Variants in KCNQ5 observed in about 807,000 individuals in gnomAD.
KCNQ5 encodes the protein potassium voltage-gated channel subfamily KQT member 5.
In KCNQ5, 30 loss-of-function variants were observed where a neutral mutation model predicts 98.2. The observed-to-expected ratio is 0.31, with a 90% confidence interval of 0.23 to 0.41. KCNQ5 has a LOEUF of 0.41. Among genes scored for constraint, KCNQ5 ranks in the 10% least tolerant of loss-of-function variants. The pLI is 1.00. For missense variants in KCNQ5, 835 were observed against 1,182.5 expected (o/e 0.71, Z 4.31); for synonymous variants, 458 against 449.4 (o/e 1.02, Z -0.24).
At chr6:73,166,170 C>T (rs543070763) in intron 10 of KCNQ5, among the ~76,000 whole-genome samples, 12 of 152,146 alleles carry the variant, frequency 7.9e-5, no homozygotes, top group African/African-American at 1.7e-4. Context: ...TGGTGGCTCA[C>T]GCCTGTAATC....
At chr6:72,880,524 C>T (rs1406139715) in intron 1 of KCNQ5, among the ~76,000 whole-genome samples, 1 of 152,176 alleles carries the variant, frequency 6.6e-6, no homozygotes, top group African/African-American at 2.4e-5. Context: ...ATTATTCAGA[C>T]CATAGCACTT....
At chr6:72,824,288 C>A (rs2796009) in intron 1 of KCNQ5, among the ~76,000 whole-genome samples, 7 of 152,006 alleles carry the variant, frequency 4.6e-5, no homozygotes, top group African/African-American at 1.7e-4. Context: ...TAAATTCCAG[C>A]GGTGGTGGGG....
intron 1 of KCNQ5, among the ~76,000 whole-genome samples, chr6:72,853,021 T>A (rs2150144415): frequency 6.6e-6 from 1 of 152,206 alleles, no homozygotes; most frequent in South Asian, 2.1e-4. Context: ...TGCTGTGCAT[T>A]AGCATTTATT....
chr6:72,834,817 T>C (rs1288619196), intron 1 of KCNQ5, among the ~76,000 whole-genome samples: 1 of 152,160 alleles, frequency 6.6e-6, no homozygotes, highest in Non-Finnish European at 1.5e-5. Context: ...TTTTGTTGTA[T>C]GGCTCTCAGA....
intron 9 of KCNQ5, among the ~76,000 whole-genome samples, chr6:73,132,696 C>T (rs1326246649): frequency 1.3e-5 from 2 of 152,228 alleles, no homozygotes; most frequent in Non-Finnish European, 1.5e-5. Flanking sequence ...TTACCAGTAG[C>T]TGCCACAGCA....
intron 1 of KCNQ5, among the ~76,000 whole-genome samples, chr6:72,680,348 T>C (rs1281515252): frequency 6.6e-6 from 1 of 152,234 alleles, no homozygotes; most frequent in Non-Finnish European, 1.5e-5. Context: ...TGGTGTAGCA[T>C]GTATGAATAT....
intron 1 of KCNQ5, among the ~76,000 whole-genome samples, chr6:72,757,079 C>G (rs1004555573): frequency 1.3e-5 from 2 of 152,058 alleles, no homozygotes; most frequent in Non-Finnish European, 2.9e-5. Flanking sequence ...ATAATTTCAT[C>G]TTCATTTATC....
At chr6:72,913,415 T>G (rs986683333) in intron 1 of KCNQ5, among the ~76,000 whole-genome samples, 3 of 152,118 alleles carry the variant, frequency 2.0e-5, no homozygotes, top group Admixed American at 6.6e-5. Context: ...CCCATTTGTA[T>G]TCTGAGGACC....
At chr6:73,039,320 A>G (rs1434894779) in intron 2 of KCNQ5, among the ~76,000 whole-genome samples, 1 of 151,810 alleles carries the variant, frequency 6.6e-6, no homozygotes, top group African/African-American at 2.4e-5. Context: ...CAGTTTCATT[A>G]GTTTTTGCTC....
intron 2 of KCNQ5, among the ~76,000 whole-genome samples, chr6:73,022,459 C>G (rs1006040399): frequency 6.6e-6 from 1 of 152,082 alleles, no homozygotes; most frequent in Admixed American, 6.6e-5. Flanking sequence ...CTGAGCAACA[C>G]AGTAAGTCCT....
intron 1 of KCNQ5, among the ~76,000 whole-genome samples, chr6:72,793,668 A>G (rs530619145): frequency 6.6e-6 from 1 of 152,376 alleles, no homozygotes; most frequent in African/African-American, 2.4e-5. Flanking sequence ...GATAAGATCA[A>G]GAACAATTCT....
chr6:72,677,133 G>A (rs1004455036), intron 1 of KCNQ5: 2 of 152,156 alleles, frequency 1.3e-5, no homozygotes, highest in Non-Finnish European at 2.9e-5. Context: ...ACTCTCTGAA[G>A]CCTCTACTAC....
At chr6:73,063,682 TAGATGATA>T (rs764577234) in intron 3 of KCNQ5, among the ~76,000 whole-genome samples, 13 of 73,570 alleles carry the variant, frequency 1.8e-4, no homozygotes, top group Admixed American at 7.0e-4. Flanking sequence ...GATAGATAGA[TAGATGATA>T]GATAGATAGA....
intron 1 of KCNQ5, among the ~76,000 whole-genome samples, chr6:72,689,924 A>T (rs896407874): frequency 1.3e-5 from 2 of 152,154 alleles, no homozygotes; most frequent in Non-Finnish European, 2.9e-5. Context: ...TTACTTAAAG[A>T]GTACAAGATT....
At chr6:72,821,451 C>A (rs1466633746) in intron 1 of KCNQ5, among the ~76,000 whole-genome samples, 1 of 152,096 alleles carries the variant, frequency 6.6e-6, no homozygotes, top group East Asian at 1.9e-4. Context: ...GTCTACCTCC[C>A]AAATAGTCTT....
chr6:72,817,740 CA>C (rs1247781997), intron 1 of KCNQ5, among the ~76,000 whole-genome samples: 1 of 151,584 alleles, frequency 6.6e-6, no homozygotes, highest in Non-Finnish European at 1.5e-5. Flanking sequence ...CTAAAAGTAC[CA>C]AAATTAGGTG....
chr6:72,880,109 TG>T (rs1157435662), intron 1 of KCNQ5, among the ~76,000 whole-genome samples: 1 of 152,216 alleles, frequency 6.6e-6, no homozygotes, highest in Non-Finnish European at 1.5e-5. Context: ...AAACTGTTTA[TG>T]GTTTGTTTGG....
At chr6:73,087,548 C>T (rs149838041) in intron 5 of KCNQ5, among the ~76,000 whole-genome samples, 7 of 151,942 alleles carry the variant, frequency 4.6e-5, no homozygotes, top group African/African-American at 1.7e-4. Flanking sequence ...GAGTGTTTAG[C>T]ATAAAAGTGG....
chr6:72,733,801 G>T (rs1241342914), intron 1 of KCNQ5, among the ~76,000 whole-genome samples: 3 of 152,198 alleles, frequency 2.0e-5, no homozygotes, highest in Non-Finnish European at 4.4e-5. Context: ...ATTGAGGAAT[G>T]AGTTGCCTAG....
Sources: gnomAD v4.1 joint callset for allele counts (sites outside exome capture counted in the v4.1 genomes callset) on GRCh38, gnomAD v4.1.1 for gene constraint, MANE v1.5 for transcripts, NCBI Gene and HGNC (gene_info 2026-07-23, HGNC 2026-07-21) for gene names.